KCNB2: variants seen among roughly 807,000 people sequenced by gnomAD.
KCNB2 encodes delayed rectifier potassium channel protein.
In KCNB2, 15 loss-of-function variants were observed where a neutral mutation model predicts 61.5. That is an observed-to-expected ratio of 0.24 (90% CI 0.16 to 0.38). The LOEUF (loss-of-function observed/expected upper bound fraction) is 0.38, where lower values mean the gene tolerates loss of function less well. Ranked by LOEUF, KCNB2 falls within the 10% of genes least tolerant of loss-of-function variation. The pLI is 1.00. For synonymous variants in KCNB2, 457 were observed against 446.0 expected (o/e 1.02, Z -0.31); for missense variants, 828 against 1,125.2 (o/e 0.74, Z 3.78).
At chr8:72,928,198 T>C (rs1354035658) in intron 2 of KCNB2, among the ~76,000 whole-genome samples, 6 of 150,560 alleles carry the variant, frequency 4.0e-5, no homozygotes, top group Admixed American at 6.6e-5. Context: ...TTTCTTTTTT[T>C]TTTTTTTTTT....
intron 2 of KCNB2, among the ~76,000 whole-genome samples, chr8:72,738,342 TCTGA>T (rs35161181): frequency 0.67 from 101,046 of 151,530 alleles, 34,357 homozygotes; most frequent in African/African-American, 0.78. Flanking sequence ...TACCCTGAAC[TCTGA>T]CTGTAGGCAG....
intron 2 of KCNB2, among the ~76,000 whole-genome samples, chr8:72,697,163 C>G (rs1191146423): frequency 6.6e-6 from 1 of 152,114 alleles, no homozygotes; most frequent in Non-Finnish European, 1.5e-5. Flanking sequence ...ATGAACAATT[C>G]TCTTTCCGTA....
chr8:72,576,563 C>T (rs1474093778), intron 2 of KCNB2, among the ~76,000 whole-genome samples: 1 of 152,176 alleles, frequency 6.6e-6, no homozygotes, highest in Non-Finnish European at 1.5e-5. Flanking sequence ...TGCCCACTAA[C>T]AGCCTGTTTG....
At chr8:72,653,040 C>T (rs1348038770) in intron 2 of KCNB2, among the ~76,000 whole-genome samples, 1 of 152,088 alleles carries the variant, frequency 6.6e-6, no homozygotes, top group African/African-American at 2.4e-5. Flanking sequence ...CAATCTCTGC[C>T]TCTGTCTTCA....
intron 2 of KCNB2, among the ~76,000 whole-genome samples, chr8:72,859,360 G>A (rs542166493): frequency 6.6e-6 from 1 of 152,158 alleles, no homozygotes; most frequent in South Asian, 2.1e-4. Flanking sequence ...CATCATTATT[G>A]AAATATAATT....
intron 2 of KCNB2, among the ~76,000 whole-genome samples, chr8:72,847,577 A>C (rs1585928937): frequency 6.6e-6 from 1 of 152,298 alleles, no homozygotes; most frequent in Admixed American, 6.5e-5. Flanking sequence ...TTTACCACCA[A>C]CCAAGGATGG....
intron 2 of KCNB2, among the ~76,000 whole-genome samples, chr8:72,658,041 G>A (rs375244480): frequency 6.6e-6 from 1 of 152,026 alleles, no homozygotes; most frequent in African/African-American, 2.4e-5. Context: ...ACCTACAATG[G>A]CCTCTAAGTG....
intron 2 of KCNB2, among the ~76,000 whole-genome samples, chr8:72,795,486 A>C (rs1809017515): frequency 6.6e-6 from 1 of 152,230 alleles, no homozygotes; most frequent in South Asian, 2.1e-4. Flanking sequence ...TTTTTAAAGC[A>C]ACCTGAATTT....
intron 2 of KCNB2, among the ~76,000 whole-genome samples, chr8:72,744,679 G>A (rs529763839): frequency 6.6e-6 from 1 of 152,234 alleles, no homozygotes; most frequent in Non-Finnish European, 1.5e-5. Flanking sequence ...GAGCTAAACT[G>A]TCCATGCTGA....
intron 2 of KCNB2, among the ~76,000 whole-genome samples, chr8:72,786,907 C>G (rs1808853522): frequency 6.6e-6 from 1 of 152,102 alleles, no homozygotes; most frequent in Non-Finnish European, 1.5e-5. Flanking sequence ...TCCCAGGGCT[C>G]AGGGATATCA....
chr8:72,652,259 A>T (rs1433909399), intron 2 of KCNB2, among the ~76,000 whole-genome samples: 6 of 152,130 alleles, frequency 3.9e-5, no homozygotes, highest in Admixed American at 3.3e-4. Flanking sequence ...TAATAAATAT[A>T]CAAGTCCATA....
Position 72,758,524 on chromosome 8 carries a change from C to A in KCNB2, c.580-177411C>A, listed in dbSNP as rs752034711. 2.6e-4 allele frequency among the ~76,000 whole-genome samples: 39 copies of A among 152,286 alleles called. 1 individual carries two copies. The highest frequency in any genetic ancestry group is 3.4e-3 in the Middle Eastern group (1 of 294). ...TGACTCACAATTATGAAAATTAATC[C>A]AAGCCTGTTTTTAGATGGCATTTTC... On this transcript the variant is annotated intron_variant, in intron 2 of 2. Transcript: ENST00000523207.
intron 2 of KCNB2, among the ~76,000 whole-genome samples, chr8:72,625,158 C>T (rs1805770607): frequency 6.6e-6 from 1 of 152,116 alleles, no homozygotes; most frequent in South Asian, 2.1e-4. Flanking sequence ...AGATGCCAGG[C>T]CTCTGTTGTT....
rs182372514 is a variant in KCNB2 at position 72,558,583 on chromosome 8, G to A, written c.-93-9059G>A. On this transcript the variant is annotated intron_variant, in intron 1 of 2. Coordinates refer to ENST00000523207, the MANE Select transcript of KCNB2 (RefSeq NM_004770.3). ...TAACACGAGGTAGTGGGAATGAGAGGAAACTGAATTTTAAATAAATAAGGA... is the reference window on the plus strand; with the variant it reads ...TAACACGAGGTAGTGGGAATGAGAGAAAACTGAATTTTAAATAAATAAGGA... Among the ~76,000 whole-genome samples the A allele has an allele frequency of 4.9e-4, 74 of 152,230 alleles. 2 individuals are homozygous for A. Among genetic ancestry groups the A allele is most frequent in the Non-Finnish European group, 4.6e-4 (31 of 67,994 alleles).
intron 2 of KCNB2, among the ~76,000 whole-genome samples, chr8:72,692,069 T>A (rs935383998): frequency 1.3e-4 from 19 of 151,922 alleles, no homozygotes; most frequent in Non-Finnish European, 2.4e-4. Flanking sequence ...ACCCTGTCTC[T>A]ACTAAAAATA....
chr8:72,704,805 A>G (rs1807192379), intron 2 of KCNB2, among the ~76,000 whole-genome samples: 1 of 152,136 alleles, frequency 6.6e-6, no homozygotes, highest in South Asian at 2.1e-4. Context: ...AAATCTGCAG[A>G]TGCTCAAGTC....
At chr8:72,874,073 A>G (rs10096807) in intron 2 of KCNB2, among the ~76,000 whole-genome samples, 3 of 152,056 alleles carry the variant, frequency 2.0e-5, no homozygotes, top group Non-Finnish European at 4.4e-5. Context: ...GTGGACTTAC[A>G]TTCTCCTGCT....
Position 72,740,611 on chromosome 8 carries a change from G to A in KCNB2, c.579+172298G>A, listed in dbSNP as rs149451357. Among the ~76,000 whole-genome samples, 632 of 152,272 alleles carry A rather than the reference G, an allele frequency of 4.2e-3. 11 individuals carry two copies. Among genetic ancestry groups the A allele is most frequent in the East Asian group, 0.025 (130 of 5,176 alleles). On this transcript the variant is annotated intron_variant, in intron 2 of 2. Coordinates refer to ENST00000523207, the MANE Select transcript of KCNB2 (RefSeq NM_004770.3). Reference sequence around the variant, plus strand: ...CTGCCAAAAGGAAGGGGCAGAGCAGGAAAAGGCTTAGATGGAGAAATACAA... The same window carrying A: ...CTGCCAAAAGGAAGGGGCAGAGCAGAAAAAGGCTTAGATGGAGAAATACAA...
chr8:72,734,724 C>T (rs1014109266), intron 2 of KCNB2, among the ~76,000 whole-genome samples: 4 of 152,180 alleles, frequency 2.6e-5, no homozygotes, highest in Admixed American at 1.3e-4. Context: ...AAATCAGTGT[C>T]AGTCAGTGAA....
Sources: gnomAD v4.1 joint callset for allele counts (sites outside exome capture counted in the v4.1 genomes callset) on GRCh38, gnomAD v4.1.1 for gene constraint, MANE v1.5 for transcripts, NCBI Gene and HGNC (gene_info 2026-07-23, HGNC 2026-07-21) for gene names.